Variants in DPP8 observed in about 807,000 individuals in gnomAD.
DPP8 encodes the protein dipeptidyl peptidase 8, also known as DPP VIII.
A neutral mutation model predicts 107.5 loss-of-function variants in DPP8; 31 were observed. The ratio of observed to expected loss-of-function variants is 0.29; its 90% CI spans 0.22 to 0.39. The LOEUF (loss-of-function observed/expected upper bound fraction) is 0.39. DPP8 is among the 10% of genes least tolerant of loss of function. The pLI, the probability that DPP8 is intolerant of heterozygous loss-of-function variation, is 1.00. For missense variants in DPP8, 842 were observed against 1,076.1 expected (o/e 0.78, Z 3.04); for synonymous variants, 381 against 356.6 (o/e 1.07, Z -0.77).
At chr15:65,465,872 T>C (rs1297995033) in intron 14 of DPP8, among the ~76,000 whole-genome samples, 2 of 151,932 alleles carry the variant, frequency 1.3e-5, no homozygotes, top group African/African-American at 2.4e-5. Flanking sequence ...ATTATTTATG[T>C]TTAAGAAATC....
chr15:65,464,591 G>A (rs2065184567), intron 14 of DPP8, among the ~76,000 whole-genome samples: 1 of 151,976 alleles, frequency 6.6e-6, no homozygotes, highest in African/African-American at 2.4e-5. Flanking sequence ...GCTGAGGCAG[G>A]AAGATTGACT....
At chr15:65,469,491 A>G (rs1198403497) in intron 12 of DPP8, among the ~76,000 whole-genome samples, 1 of 151,238 alleles carries the variant, frequency 6.6e-6, no homozygotes, top group Non-Finnish European at 1.5e-5. Context: ...CATCTCTACT[A>G]AAAACACAAA....
Position 65,512,554 on chromosome 15 carries a change from G to A in DPP8, c.-1C>T, listed in dbSNP as rs118088815. ...GTTCTGTTTCCATTGCTGCTGCCAT[G>A]TTGCATTTTCCTAGAAAAACAAGGC... On this transcript the variant is annotated 5_prime_UTR_variant, in exon 2 of 20. Transcript: ENST00000300141. 0.022 allele frequency: 35,991 copies of A among 1,613,740 alleles called. 512 individuals carry two copies. Among genetic ancestry groups the A allele is most frequent in the Non-Finnish European group, 0.026 (30,760 of 1,179,864 alleles).
At position 65,497,276 on chromosome 15, in the gene DPP8, T is replaced by C. The variant is rs137958938; in HGVS notation, c.715+588A>G. Among the ~76,000 whole-genome samples the C allele has an allele frequency of 3.8e-3, 582 of 152,298 alleles. 3 individuals carry two copies. The highest frequency in any genetic ancestry group is 0.013 in the African/African-American group (549 of 41,556). On this transcript the variant is annotated intron_variant, in intron 5 of 19. Coordinates refer to ENST00000300141, the MANE Select transcript of DPP8 (RefSeq NM_130434.5). ...ATTTTTAAAAATGTATTTATTTATT[T>C]ATTTAATTTTGAAACAGAGTCTCAC...
intron 11 of DPP8, among the ~76,000 whole-genome samples, chr15:65,474,911 A>G (rs899785884): frequency 1.3e-5 from 2 of 152,258 alleles, no homozygotes; most frequent in Non-Finnish European, 2.9e-5. Flanking sequence ...ACAGCAAAAG[A>G]GATTTTTTGG....
At position 65,473,961 on chromosome 15, in the gene DPP8, G is replaced by A. The variant is rs554994506; in HGVS notation, c.1536+248C>T. 1.2e-3 allele frequency among the ~76,000 whole-genome samples: 188 copies of A among 152,154 alleles called. 1 individual carries two copies. Among genetic ancestry groups the A allele is most frequent in the African/African-American group, 4.4e-3 (184 of 41,516 alleles). ...TACTAAAGATACAAAAAAATTAGCCGGGCGTGGTGGCACATGCCTGTAATC... is the reference window on the plus strand; with the variant it reads ...TACTAAAGATACAAAAAAATTAGCCAGGCGTGGTGGCACATGCCTGTAATC... On this transcript the variant is annotated intron_variant, in intron 12 of 19. Coordinates refer to ENST00000300141, the MANE Select transcript of DPP8 (RefSeq NM_130434.5).
At chr15:65,476,229 CG>C (rs1300161344) in intron 11 of DPP8, among the ~76,000 whole-genome samples, 2 of 151,554 alleles carry the variant, frequency 1.3e-5, no homozygotes, top group East Asian at 3.9e-4. Context: ...TAGGGTTCCA[CG>C]TAAGTTTAAA....
chr15:65,453,253 G>A (rs1454241324), intron 17 of DPP8, among the ~76,000 whole-genome samples: 1 of 152,186 alleles, frequency 6.6e-6, no homozygotes, highest in Non-Finnish European at 1.5e-5. Context: ...AGGGCAAACA[G>A]GTCCCTGCCC....
intron 4 of DPP8, among the ~76,000 whole-genome samples, chr15:65,499,692 G>C (rs2068992969): frequency 6.6e-6 from 1 of 152,104 alleles, no homozygotes; most frequent in East Asian, 1.9e-4. Context: ...AGCTTCCTGA[G>C]TAGCTGGGAC....
At chr15:65,513,356 G>A (rs1436399343) in intron 1 of DPP8, among the ~76,000 whole-genome samples, 1 of 152,318 alleles carries the variant, frequency 6.6e-6, no homozygotes, top group Non-Finnish European at 1.5e-5. Context: ...GGGATTACAG[G>A]CATGCACCAC....
chr15:65,485,017 A>C (rs915760556), intron 8 of DPP8, 82 bp downstream of exon 8: 5 of 1,124,304 alleles, frequency 4.4e-6, no homozygotes, highest in Admixed American at 2.0e-5. Context: ...GTCCAAAAAT[A>C]AAAAAGTGTA....
At chr15:65,448,864 A>AT in intron 19 of DPP8, among the ~76,000 whole-genome samples, 2 of 77,144 alleles carry the variant, frequency 2.6e-5, no homozygotes, top group East Asian at 3.2e-4. Flanking sequence ...TATATATCTA[A>AT]AATATATATA....
At chr15:65,458,829 T>C (rs192752149) in intron 15 of DPP8, 1 of 152,086 alleles carries the variant, frequency 6.6e-6, no homozygotes, top group Non-Finnish European at 1.5e-5. Context: ...TTAAAAGATT[T>C]AAACAAATTT....
intron 15 of DPP8, among the ~76,000 whole-genome samples, chr15:65,458,240 A>T (rs2064606820): frequency 6.6e-6 from 1 of 151,898 alleles, no homozygotes; most frequent in South Asian, 2.1e-4. Flanking sequence ...ACATTCTAGG[A>T]AACATAAGTA....
intron 15 of DPP8, among the ~76,000 whole-genome samples, chr15:65,457,518 C>G (rs2064533540): frequency 6.6e-6 from 1 of 151,526 alleles, no homozygotes; most frequent in Non-Finnish European, 1.5e-5. Context: ...TGTGCACCAC[C>G]ATGCCTGGCT....
chr15:65,510,008 G>A (rs1181877163), intron 2 of DPP8, among the ~76,000 whole-genome samples: 1 of 151,652 alleles, frequency 6.6e-6, no homozygotes, highest in Non-Finnish European at 1.5e-5. Context: ...GCAACAGAGT[G>A]AGACCGCCAT....
At chr15:65,493,585 A>G (rs2140929127) in intron 5 of DPP8, among the ~76,000 whole-genome samples, 2 of 152,286 alleles carry the variant, frequency 1.3e-5, no homozygotes, top group South Asian at 4.1e-4. Context: ...TTTAGTAACA[A>G]CCTAATGAAA....
intron 12 of DPP8, among the ~76,000 whole-genome samples, chr15:65,469,903 C>A (rs1368532617): frequency 2.0e-5 from 3 of 151,784 alleles, no homozygotes; most frequent in African/African-American, 4.8e-5. Context: ...CATTAGAAAT[C>A]TTTGGGTAGA....
At chr15:65,457,563 C>G (rs2064536718) in intron 15 of DPP8, among the ~76,000 whole-genome samples, 1 of 151,862 alleles carries the variant, frequency 6.6e-6, no homozygotes, top group Non-Finnish European at 1.5e-5. Flanking sequence ...TGGGGTCTCA[C>G]CATCATATCT....
Sources: allele counts gnomAD v4.1 joint callset (sites outside exome capture counted in the v4.1 genomes callset), GRCh38; gene constraint gnomAD v4.1.1; transcripts MANE v1.5; gene names NCBI Gene and HGNC (gene_info 2026-07-23, HGNC 2026-07-21).